LUZP2: variants seen among roughly 807,000 people sequenced by gnomAD.
LUZP2 encodes leucine zipper protein 2.
LUZP2 carries 52 observed loss-of-function variants against 51.6 expected under a neutral mutation model. That is an observed-to-expected ratio of 1.01 (90% CI 0.81 to 1.27). LUZP2 has a LOEUF of 1.27. LUZP2 is among the 50% of genes most tolerant of loss of function. The probability of loss-of-function intolerance (pLI) is 0.00; values close to 1 mark genes in which losing one functional copy is unlikely to be tolerated. For synonymous variants in LUZP2, 154 were observed against 137.3 expected, an observed-to-expected ratio of 1.12 and a Z score of -0.85; for missense variants, 436 against 395.4, an observed-to-expected ratio of 1.10 and a Z score of -0.87.
intron 9 of LUZP2, among the ~76,000 whole-genome samples, chr11:24,990,037 C>A (rs1389333618): frequency 6.6e-6 from 1 of 152,078 alleles, no homozygotes; most frequent in African/African-American, 2.4e-5. Flanking sequence ...GCCACATATT[C>A]TCTGATATTC....
chr11:24,917,118 T>C lies in LUZP2; in HGVS notation c.522+2580T>C, dbSNP rs148942146. Among the ~76,000 whole-genome samples, 262 of 152,342 alleles carry C rather than the reference T, an allele frequency of 1.7e-3. 5 individuals carry two copies. In the East Asian group the frequency reaches 0.045, roughly 26 times the overall value. On this transcript the variant is annotated intron_variant, in intron 7 of 11. Transcript: ENST00000336930. ...AGCATTTTTTCATGTGTCTGTTGGC[T>C]GTGTAAGTGACTTCTTTTGAGAAGT...
At chr11:25,057,385 TAAG>T (rs1858720325) in intron 10 of LUZP2, among the ~76,000 whole-genome samples, 1 of 152,154 alleles carries the variant, frequency 6.6e-6, no homozygotes, top group Non-Finnish European at 1.5e-5. Flanking sequence ...AAAGAAGACT[TAAG>T]AAACTTGAAA....
chr11:24,674,717 A>AT (rs1351396777), intron 1 of LUZP2, among the ~76,000 whole-genome samples: 2 of 152,096 alleles, frequency 1.3e-5, no homozygotes, highest in Non-Finnish European at 2.9e-5. Flanking sequence ...AGAAAAAAAA[A>AT]GTCTGTGAGA....
chr11:25,070,088 A>C (rs1859110159), intron 10 of LUZP2, among the ~76,000 whole-genome samples: 1 of 151,986 alleles, frequency 6.6e-6, no homozygotes, highest in Non-Finnish European at 1.5e-5. Context: ...GTGAGGACTA[A>C]AGAGATTAGA....
intron 1 of LUZP2, among the ~76,000 whole-genome samples, chr11:24,587,024 G>C (rs966330840): frequency 2.6e-5 from 4 of 151,944 alleles, no homozygotes; most frequent in Non-Finnish European, 5.9e-5. Context: ...AAAATTGCTA[G>C]GGAGATTTTC....
chr11:25,037,754 T>C (rs1857910230), intron 9 of LUZP2, among the ~76,000 whole-genome samples: 1 of 152,150 alleles, frequency 6.6e-6, no homozygotes, highest in Non-Finnish European at 1.5e-5. Context: ...TTGTTGGATT[T>C]TTTTTTTCTT....
At position 24,775,445 on chromosome 11, in the gene LUZP2, C is replaced by A. The variant is rs141300225; in HGVS notation, c.396+12137C>A. On this transcript the variant is annotated intron_variant, in intron 5 of 11. Transcript: ENST00000336930. ...GGGACAGCCAATCCAATTGTTACAG[C>A]CAAAGCATAATATAAAGAAACATAA... Among the ~76,000 whole-genome samples the A allele has an allele frequency of 8.1e-3, 1,233 of 152,232 alleles. 3 individuals carry two copies. The highest frequency in any genetic ancestry group is 0.01 in the Middle Eastern group (3 of 294).
intron 1 of LUZP2, among the ~76,000 whole-genome samples, chr11:24,660,682 C>G (rs1352466203): frequency 1.3e-5 from 2 of 152,084 alleles, no homozygotes; most frequent in Non-Finnish European, 2.9e-5. Context: ...AAAATGCATT[C>G]ACCGTAATCC....
chr11:25,069,508 A>T (rs1476668399), intron 10 of LUZP2, among the ~76,000 whole-genome samples: 1 of 151,916 alleles, frequency 6.6e-6, no homozygotes. Flanking sequence ...CACGTACAAC[A>T]TCTGGAAATA....
chr11:24,521,067 G>C (rs1039266394), intron 1 of LUZP2, among the ~76,000 whole-genome samples: 1 of 152,170 alleles, frequency 6.6e-6, no homozygotes, highest in African/African-American at 2.4e-5. Flanking sequence ...AACAGATTGT[G>C]TGGCTGGGCG....
At chr11:24,873,192 T>G (rs946510170) in intron 5 of LUZP2, among the ~76,000 whole-genome samples, 1 of 152,166 alleles carries the variant, frequency 6.6e-6, no homozygotes, top group African/African-American at 2.4e-5. Flanking sequence ...AAGAATAAAA[T>G]GTGGTCACAA....
intron 9 of LUZP2, among the ~76,000 whole-genome samples, chr11:25,023,715 AT>A (rs1857407146): frequency 6.6e-6 from 1 of 151,872 alleles, no homozygotes. Context: ...AGTTATTTTA[AT>A]TGTGATGTTA....
intron 1 of LUZP2, among the ~76,000 whole-genome samples, chr11:24,566,183 T>C (rs1483868951): frequency 6.6e-6 from 1 of 151,728 alleles, no homozygotes; most frequent in Non-Finnish European, 1.5e-5. Context: ...CATGAAAAGC[T>C]ATTAGAAATA....
intron 9 of LUZP2, among the ~76,000 whole-genome samples, chr11:25,014,297 T>C (rs1857075192): frequency 1.3e-5 from 2 of 152,238 alleles, no homozygotes; most frequent in Admixed American, 6.5e-5. Context: ...ATGCTATTTC[T>C]AGTTCTAGAT....
chr11:24,666,747 G>A (rs907819320), intron 1 of LUZP2, among the ~76,000 whole-genome samples: 2 of 152,110 alleles, frequency 1.3e-5, no homozygotes. Flanking sequence ...ATTAAAAGAA[G>A]TTTTTATCTT....
chr11:24,634,736 G>C (rs1855019108), intron 1 of LUZP2, among the ~76,000 whole-genome samples: 1 of 152,098 alleles, frequency 6.6e-6, no homozygotes, highest in African/African-American at 2.4e-5. Context: ...CAAGGCATTT[G>C]AGTTTGCAGG....
chr11:24,682,791 A>G (rs1856786992), intron 1 of LUZP2, among the ~76,000 whole-genome samples: 1 of 151,696 alleles, frequency 6.6e-6, no homozygotes, highest in Non-Finnish European at 1.5e-5. Context: ...GGATCACGAG[A>G]TCAAGAGATC....
intron 5 of LUZP2, among the ~76,000 whole-genome samples, chr11:24,846,007 T>G (rs1356574260): frequency 6.6e-6 from 1 of 152,120 alleles, no homozygotes; most frequent in Non-Finnish European, 1.5e-5. Flanking sequence ...CAATAGACAT[T>G]ATATTTTTAT....
chr11:24,751,496 A>G (rs1306121710), intron 4 of LUZP2: 1 of 667,116 alleles, frequency 1.5e-6, no homozygotes, highest in African/African-American at 2.0e-5. Flanking sequence ...TCATCAAGGT[A>G]ACATCAGTGC....
Sources: gnomAD v4.1 joint callset for allele counts (sites outside exome capture counted in the v4.1 genomes callset) on GRCh38, gnomAD v4.1.1 for gene constraint, MANE v1.5 for transcripts, NCBI Gene and HGNC (gene_info 2026-07-23, HGNC 2026-07-21) for gene names.